The following ARC variants were observed in gnomAD, a reference collection of about 807,000 sequenced individuals.
ARC encodes activity-regulated cytoskeleton-associated protein.
Under a neutral mutation model 20.0 loss-of-function variants are expected in ARC, and 10 were observed. The observed-to-expected ratio is 0.50, with a 90% CI of 0.31 to 0.85. The LOEUF (loss-of-function observed/expected upper bound fraction) is 0.85, where lower values mean the gene tolerates loss of function less well. Ranked by LOEUF, ARC falls within the 40% of genes least tolerant of loss-of-function variation. The pLI is 0.05. For missense variants in ARC, 454 were observed against 555.5 expected (o/e 0.82, Z 1.84); for synonymous variants, 269 against 254.1 (o/e 1.06, Z -0.56).
rs1258733125 is a variant in ARC at position 142,613,681 on chromosome 8, C to A, written c.591G>T (p.Trp197Cys). 1.3e-6 allele frequency: 2 copies of A among 1,569,816 alleles called. No individual in the cohort carries two copies. Among genetic ancestry groups the A allele is most frequent in the Admixed American group, 1.7e-5 (1 of 58,358 alleles). The change falls in exon 1 of 3, where the codon TGG becomes TGT. Residue 197 changes from tryptophan (W) to cysteine (C), a missense_variant. Trp to Cys is a radical substitution (Grantham distance 215). Transcript: ENST00000356613. The part of the protein sequence containing the change: ...EPAEAQQYQP[W>C]VPGEDGQPSP... ...TGGGCTGCCCGTCCTCGCCGGGGAC[C>A]CACGGCTGGTACTGCTGGGCCTCGG...
Position 142,613,498 on chromosome 8 carries a change from CT to C in ARC, c.773del (p.Gln258ArgfsTer4). The C allele has an allele frequency of 6.2e-7, 1 of 1,613,200 alleles. No homozygotes were observed. Among genetic ancestry groups the C allele is most frequent in the Non-Finnish European group, 8.5e-7 (1 of 1,179,878 alleles). Reference protein sequence around the residue: ...GPAKKWWEFKQGSVKNWVEFK... With the variant: ...GPAKKWWEFKXGSVKNWVEFK... ...ACTCCACCCAGTTCTTCACGGAGCC[CT>C]GCTTGAACTCCCACCACTTCTTGGC... On this transcript the variant is annotated frameshift_variant, in exon 1 of 3. Coordinates refer to ENST00000356613, the MANE Select transcript of ARC (RefSeq NM_015193.5). LOFTEE classifies it low-confidence loss of function (END_TRUNC).
Position 142,614,427 on chromosome 8 carries a change from A to T in ARC, c.-156T>A. The T allele has an allele frequency of 3.5e-6, 2 of 576,912 alleles. No homozygotes were observed. The highest frequency in any genetic ancestry group is 5.1e-6 in the Non-Finnish European group (2 of 393,366). 35.7% of individuals were successfully genotyped at this position (576,912 alleles called of 1,614,324 possible). ...CGGGGCCGGCGGAGCACGCCCGGGG[A>T]GGCAGGTCCGGCTCGGCTGCTGCGG... On this transcript the variant is annotated 5_prime_UTR_variant, in exon 1 of 3. Coordinates refer to ENST00000356613, the MANE Select transcript of ARC (RefSeq NM_015193.5).
At chr8:142,611,987 C>G (rs1205746660) in intron 2 of ARC, 121 bp downstream of exon 2, 2 of 152,814 alleles carry the variant, frequency 1.3e-5, no homozygotes, top group Non-Finnish European at 2.9e-5. Context: ...GTCAGAGCCT[C>G]CCAGCGAGCC....
Position 142,612,881 on chromosome 8 carries a change from T to G in ARC, c.*200A>C, listed in dbSNP as rs764107316. The G allele has an allele frequency of 3.6e-6, 2 of 559,972 alleles. No homozygotes were observed. Among genetic ancestry groups the G allele is most frequent in the Non-Finnish European group, 6.3e-6 (2 of 316,222 alleles). The allele number at this position is 559,972 out of a possible 1,614,324, so 34.7% of individuals were successfully genotyped here. A position where few individuals can be genotyped will look rare whatever the true frequency, so the allele number is the denominator to read the frequency against. On this transcript the variant is annotated 3_prime_UTR_variant, in exon 1 of 3. Transcript: ENST00000356613. ...GGAGGGAGGGTGATGGGTGGAGCCC[T>G]GCAGGGGGGAGGGCTCTTTGCCGCT...
At position 142,613,443 on chromosome 8, in the gene ARC, C is replaced by T. The variant is rs370545261; in HGVS notation, c.829G>A (p.Gly277Ser). 9.3e-6 allele frequency: 15 copies of T among 1,612,812 alleles called. No homozygotes were observed. Among genetic ancestry groups the T allele is most frequent in the Non-Finnish European group, 1.3e-5 (15 of 1,179,854 alleles). Residue 277 changes from glycine to serine, a missense_variant, in exon 1 of 3, where the codon GGC becomes AGC. By Grantham distance (56) the Gly-to-Ser change is moderately conservative. This residue lies in a region of ARC where 117 missense variants were observed against 194.4 expected (regional missense o/e 0.60). Transcript: ENST00000356613. ...FKKEFLQYSE[G>S]TLSREAIQRE... is the part of the protein sequence containing the mutation. ...TGGATGGCCTCTCGGGACAGCGTGC[C>T]CTCGCTGTACTGCAGGAACTCCTTC...
At position 142,613,318 on chromosome 8, in the gene ARC, C is replaced by G; in HGVS notation, c.954G>C (p.Glu318Asp). 6.2e-7 allele frequency: 1 copy of G among 1,613,670 alleles called. No individual in the cohort carries two copies. Among genetic ancestry groups the G allele is most frequent in the Non-Finnish European group, 8.5e-7 (1 of 1,179,992 alleles). ...CCACCACGTACTGGATGATCTCCTCCTCGTCCGCGTCCACGTAGAGCGTCT... is the reference window on the plus strand; with the variant it reads ...CCACCACGTACTGGATGATCTCCTCGTCGTCCGCGTCCACGTAGAGCGTCT... ...LYQTLYVDADEEEIIQYVVGT... is the reference protein window; with the variant it reads ...LYQTLYVDADDEEIIQYVVGT... The change falls in exon 1 of 3, where the codon GAG becomes GAC. Residue 318 changes from glutamate (E) to aspartate (D), a missense_variant. By Grantham distance (45) the Glu-to-Asp change is conservative (BLOSUM62 2). This residue lies in a region of ARC where 117 missense variants were observed against 194.4 expected (regional missense o/e 0.60). Coordinates refer to ENST00000356613, the MANE Select transcript of ARC (RefSeq NM_015193.5).
Position 142,613,544 on chromosome 8 carries a change from T to C in ARC, c.728A>G (p.Gln243Arg). 1.2e-6 allele frequency: 2 copies of C among 1,611,434 alleles called. No individual in the cohort carries two copies. The highest frequency in any genetic ancestry group is 1.7e-6 in the Non-Finnish European group (2 of 1,178,714). ...CTTGGCCGGCCCGTTCATGTGATTCTGGATCTGGGACAGCCAGTACTCCTC... is the reference window on the plus strand; with the variant it reads ...CTTGGCCGGCCCGTTCATGTGATTCCGGATCTGGGACAGCCAGTACTCCTC... The part of the protein sequence containing the change: ...GSEEYWLSQI[Q>R]NHMNGPAKKW... Residue 243 changes from glutamine to arginine, a missense_variant, in exon 1 of 3, where the codon CAG (glutamine) becomes CGG (arginine). This residue lies in a region of ARC where 117 missense variants were observed against 194.4 expected (regional missense o/e 0.60). Coordinates refer to ENST00000356613, the MANE Select transcript of ARC (RefSeq NM_015193.5).
In ARC at chr8:142,613,269, G is replaced by T. The variant is rs759548098; in HGVS notation, c.1003C>A (p.Arg335Ser). The stretch of plus-strand genomic sequence containing the variant: ...TTGGGCAGGGGGTGGCGCAGGAAAC[G>T]CTTGAGCTTGGGCTGCAGGGTGCCC... Reference protein sequence around the residue: ...VVGTLQPKLKRFLRHPLPKTL... With the variant: ...VVGTLQPKLKSFLRHPLPKTL... The change falls in exon 1 of 3, where the codon CGT becomes AGT. Residue 335 changes from arginine (R) to serine (S), a missense_variant. Coordinates refer to ENST00000356613, the MANE Select transcript of ARC (RefSeq NM_015193.5). 6.2e-7 allele frequency: 1 copy of T among 1,613,618 alleles called. No individual in the cohort carries two copies. Among genetic ancestry groups the T allele is most frequent in the South Asian group, 1.1e-5 (1 of 91,092 alleles).
At position 142,611,610 on chromosome 8, in the gene ARC, C is replaced by T. The variant is rs1227981718; in HGVS notation, c.*990G>A. On this transcript the variant is annotated 3_prime_UTR_variant, in exon 3 of 3. Coordinates refer to ENST00000356613, the MANE Select transcript of ARC (RefSeq NM_015193.5). Reference sequence around the variant, plus strand: ...TCCCTGCTGGGAGGGAGGCAGGGCCCGACTCCTGCTGCAGTGGCTCTGGGG... The same window carrying T: ...TCCCTGCTGGGAGGGAGGCAGGGCCTGACTCCTGCTGCAGTGGCTCTGGGG... The T allele has an allele frequency of 2.0e-5, 3 of 152,322 alleles. No individual in the cohort carries two copies. Among genetic ancestry groups the T allele is most frequent in the East Asian group, 1.9e-4 (1 of 5,198 alleles). The allele number at this position is 152,322 out of a possible 1,614,324, so 9.4% of individuals were successfully genotyped here.
In ARC at chr8:142,613,101, C is replaced by T; in HGVS notation, c.1171G>A (p.Asp391Asn). 6.4e-7 allele frequency: 1 copy of T among 1,551,910 alleles called. No individual in the cohort carries two copies. The highest frequency in any genetic ancestry group is 8.7e-7 in the Non-Finnish European group (1 of 1,149,848). Residue 391 changes from aspartate to asparagine, a missense_variant, in exon 1 of 3, where the codon GAC becomes AAC. Physicochemically the swap from Asp to Asn is conservative, Grantham distance 23. This residue lies in a region of ARC where 72 missense variants were observed against 59.4 expected (regional missense o/e 1.21). Transcript: ENST00000356613. The part of the protein sequence containing the change: ...PAPNSESVAS[D>N]RTQPE Reference sequence around the variant, plus strand: ...GCCCTCTACTCGGGCTGGGTCCGGTCACTGGCCACGGACTCGCTGTTGGGG... The same window carrying T: ...GCCCTCTACTCGGGCTGGGTCCGGTTACTGGCCACGGACTCGCTGTTGGGG...
At position 142,614,479 on chromosome 8, in the gene ARC, C is replaced by A; in HGVS notation, c.-208G>T. On this transcript the variant is annotated 5_prime_UTR_variant, in exon 1 of 3. Transcript: ENST00000356613. ...GGGAGGACGCCGCGCCCGAGCTCTGCGCTGAGTCCTGGCCGCCGGCTCTTT... is the reference window on the plus strand; with the variant it reads ...GGGAGGACGCCGCGCCCGAGCTCTGAGCTGAGTCCTGGCCGCCGGCTCTTT... 1 of 384,286 alleles carries A rather than the reference C, an allele frequency of 2.6e-6. No individual in the cohort carries two copies. The highest frequency in any genetic ancestry group is 4.5e-6 in the Non-Finnish European group (1 of 221,890). The allele number at this position is 384,286 out of a possible 1,614,324, so 23.8% of individuals were successfully genotyped here. A position where few individuals can be genotyped will look rare whatever the true frequency, so the allele number is the denominator to read the frequency against.
Position 142,612,998 on chromosome 8 carries a change from G to A in ARC, c.*83C>T. 1 of 1,159,550 alleles carries A rather than the reference G, an allele frequency of 8.6e-7. No homozygotes were observed. The highest frequency in any genetic ancestry group is 1.2e-6 in the Non-Finnish European group (1 of 846,462). The allele number at this position is 1,159,550 out of a possible 1,614,324, so 71.8% of individuals were successfully genotyped here. On this transcript the variant is annotated 3_prime_UTR_variant, in exon 1 of 3. Coordinates refer to ENST00000356613, the MANE Select transcript of ARC (RefSeq NM_015193.5). The stretch of plus-strand genomic sequence containing the variant: ...CAGCTGGACCAGGGCTTCCCCTGCA[G>A]GAGTCAGCCCCAGCTCAAAAGTCCT...
chr8:142,613,159 C>A lies in ARC; in HGVS notation c.1113G>T (p.Pro371=), dbSNP rs371075422. ...TGAGGGTCTCCGCCTCATCCTCCAC[C>A]GGGAGGTGGGGGCCGGCCGGCTCGG... ...QAAEPAGPHL[P]VEDEAETLTP... is the part of the protein sequence containing the mutation. Residue 371 remains proline, a synonymous_variant, in exon 1 of 3, where the codon CCG becomes CCT. Coordinates refer to ENST00000356613, the MANE Select transcript of ARC (RefSeq NM_015193.5). 3 of 1,606,862 alleles carry A rather than the reference C, an allele frequency of 1.9e-6. No homozygotes were observed. Among genetic ancestry groups the A allele is most frequent in the Admixed American group, 3.4e-5 (2 of 59,510 alleles).
chr8:142,614,302 C>T lies in ARC; in HGVS notation c.-31G>A. On this transcript the variant is annotated 5_prime_UTR_variant, in exon 1 of 3. Coordinates refer to ENST00000356613, the MANE Select transcript of ARC (RefSeq NM_015193.5). The stretch of plus-strand genomic sequence containing the variant: ...CGCAGGTGCTCCGGCAGGCGGCAAA[C>T]TCCTCGGGGCGGACAGAGGGTGGTC... 1 of 1,374,614 alleles carries T rather than the reference C, an allele frequency of 7.3e-7. No homozygotes were observed. Among genetic ancestry groups the T allele is most frequent in the Non-Finnish European group, 9.4e-7 (1 of 1,068,090 alleles). 85.2% of individuals were successfully genotyped at this position (1,374,614 alleles called of 1,614,324 possible). A position where few individuals can be genotyped will look rare whatever the true frequency, so the allele number is the denominator to read the frequency against.
chr8:142,611,330 C>T lies in ARC; in HGVS notation c.*1270G>A, dbSNP rs1215969672. The T allele has an allele frequency of 6.6e-6, 1 of 152,604 alleles. No homozygotes were observed. The highest frequency in any genetic ancestry group is 1.5e-5 in the Non-Finnish European group (1 of 68,110). 9.5% of individuals were successfully genotyped at this position (152,604 alleles called of 1,614,324 possible). On this transcript the variant is annotated 3_prime_UTR_variant, in exon 3 of 3. Coordinates refer to ENST00000356613, the MANE Select transcript of ARC (RefSeq NM_015193.5). ...TCAGAGTGGTCTGCAGGGCTGGTCC[C>T]CCAGTGGACAAGGCAGAACGATGAA... is the stretch of plus-strand genomic sequence containing the variant.
chr8:142,613,891 G>T lies in ARC; in HGVS notation c.381C>A (p.Ala127=). 6.3e-7 allele frequency: 1 copy of T among 1,579,798 alleles called. No homozygotes were observed. Residue 127 remains alanine, a synonymous_variant, in exon 1 of 3, where the codon GCC becomes GCA. Transcript: ENST00000356613. ...REVFYRLERW[A]DRLESTGGKY... ...TGCCGCCCGTGGACTCCAGGCGGTC[G>T]GCCCAGCGCTCCAGGCGGTAGAACA... is the stretch of plus-strand genomic sequence containing the variant.
Position 142,611,098 on chromosome 8 carries a change from G to T in ARC, c.*1502C>A. 1 of 152,682 alleles carries T rather than the reference G, an allele frequency of 6.5e-6. No homozygotes were observed. The allele number at this position is 152,682 out of a possible 1,614,324, so 9.5% of individuals were successfully genotyped here. On this transcript the variant is annotated 3_prime_UTR_variant, in exon 3 of 3. Transcript: ENST00000356613. Reference sequence around the variant, plus strand: ...AATCTTACAAAAAGAGTCTGTCTCTGGGGTAAGGTGCACAGGGCCTGGACC... The same window carrying T: ...AATCTTACAAAAAGAGTCTGTCTCTTGGGTAAGGTGCACAGGGCCTGGACC...
Position 142,614,316 on chromosome 8 carries a change from CAGA to C in ARC, c.-48_-46del. On this transcript the variant is annotated 5_prime_UTR_variant, in exon 1 of 3. Transcript: ENST00000356613. ...CAGGCGGCAAACTCCTCGGGGCGGACAGAGGGTGGTCCGGCGCTGGGGTCCGGC... is the reference window on the plus strand; with the variant it reads ...CAGGCGGCAAACTCCTCGGGGCGGACGGGTGGTCCGGCGCTGGGGTCCGGC... The C allele has an allele frequency of 7.4e-7, 1 of 1,351,106 alleles. No individual in the cohort carries two copies. The highest frequency in any genetic ancestry group is 1.9e-5 in the South Asian group (1 of 51,986). The allele number at this position is 1,351,106 out of a possible 1,614,324, so 83.7% of individuals were successfully genotyped here. A position where few individuals can be genotyped will look rare whatever the true frequency, so the allele number is the denominator to read the frequency against.
rs965523260 is a variant in ARC at position 142,614,457 on chromosome 8, A to T, written c.-186T>A. The T allele has an allele frequency of 2.3e-6, 1 of 433,912 alleles. No individual in the cohort carries two copies. Among genetic ancestry groups the T allele is most frequent in the Non-Finnish European group, 3.8e-6 (1 of 265,010 alleles). 26.9% of individuals were successfully genotyped at this position (433,912 alleles called of 1,614,324 possible). On this transcript the variant is annotated 5_prime_UTR_variant, in exon 1 of 3. Transcript: ENST00000356613. ...GGTCCGGCTCGGCTGCTGCGGAGGG[A>T]GGACGCCGCGCCCGAGCTCTGCGCT...
Sources: allele counts gnomAD v4.1 joint callset, GRCh38; gene constraint gnomAD v4.1.1; regional missense constraint gnomAD v4.1.1; transcripts MANE v1.5; gene names NCBI Gene and HGNC (gene_info 2026-07-23, HGNC 2026-07-21).